Variants in RNF180 observed in about 807,000 individuals in gnomAD.
The protein encoded by RNF180 is ring finger protein 180.
A neutral mutation model predicts 59.2 loss-of-function variants in RNF180; 38 were observed. The ratio of observed to expected loss-of-function variants is 0.64; its 90% CI spans 0.50 to 0.84. The LOEUF is 0.84. Among genes scored for constraint, RNF180 ranks in the 40% least tolerant of loss-of-function variants. The pLI is 0.00. For missense variants in RNF180, 705 were observed against 700.9 expected (o/e 1.01, Z -0.07); for synonymous variants, 262 against 240.3 (o/e 1.09, Z -0.84).
chr5:64,186,352 C>T (rs1291652416), intron 1 of RNF180, among the ~76,000 whole-genome samples: 1 of 152,058 alleles, frequency 6.6e-6, no homozygotes, highest in Non-Finnish European at 1.5e-5. Context: ...ATATATTTAA[C>T]ATAAGGTAAA....
chr5:64,349,057 T>A (rs1055043598), intron 7 of RNF180, among the ~76,000 whole-genome samples: 7 of 152,200 alleles, frequency 4.6e-5, no homozygotes, highest in Non-Finnish European at 1.0e-4. Flanking sequence ...CTAAAGTGTT[T>A]CCTAAAAGGA....
upstream of RNF180, chr5:64,165,797 C>T (rs1235916909): frequency 6.6e-6 from 1 of 152,136 alleles, no homozygotes. Flanking sequence ...AGGCACAGCT[C>T]GAGCGCTTTC....
intron 1 of RNF180, among the ~76,000 whole-genome samples, chr5:64,173,595 A>G (rs536795075): frequency 2.0e-4 from 31 of 152,062 alleles, no homozygotes; most frequent in African/African-American, 7.5e-4. Flanking sequence ...GCAAGTTCGT[A>G]CCTATTGACC....
At chr5:64,327,794 T>C (rs77806854) in intron 6 of RNF180, among the ~76,000 whole-genome samples, 3,217 of 152,290 alleles carry the variant, frequency 0.021, 87 homozygotes, top group African/African-American at 0.054. Flanking sequence ...CCATTGGGTC[T>C]GTGGTGCAGC....
rs1034992056 is a variant in RNF180 at position 64,223,862 on chromosome 5, G to A, written c.1227+6466G>A. ...CGCTTCCTGGAAATGGAAGTAGAGG[G>A]GGGGAGACACGTGAATTTCAGTAAT... On this transcript the variant is annotated intron_variant, in intron 5 of 7. Transcript: ENST00000389100. Among the ~76,000 whole-genome samples the A allele has an allele frequency of 1.4e-4, 21 of 152,274 alleles. No homozygotes were observed. In the South Asian group the frequency reaches 4.1e-3, roughly 30 times the overall value.
chr5:64,306,576 A>G (rs1468856256), intron 5 of RNF180, among the ~76,000 whole-genome samples: 2 of 151,744 alleles, frequency 1.3e-5, no homozygotes, highest in South Asian at 2.1e-4. Flanking sequence ...AACCAACCCA[A>G]ATGTCCAACA....
intron 5 of RNF180, among the ~76,000 whole-genome samples, chr5:64,274,795 A>G (rs543817227): frequency 6.6e-6 from 1 of 152,084 alleles, no homozygotes; most frequent in South Asian, 2.1e-4. Context: ...TGCTATACAT[A>G]GAGTGTAGAA....
At chr5:64,360,244 A>G in intron 7 of RNF180, among the ~76,000 whole-genome samples, 1 of 151,924 alleles carries the variant, frequency 6.6e-6, no homozygotes, top group East Asian at 1.9e-4. Context: ...CATTTTCACA[A>G]TATTGATTCT....
intron 7 of RNF180, among the ~76,000 whole-genome samples, chr5:64,361,067 T>C (rs1414047012): frequency 6.6e-6 from 1 of 151,506 alleles, no homozygotes; most frequent in African/African-American, 2.4e-5. Flanking sequence ...TTAGTACTTC[T>C]GCTTGCAAGA....
At chr5:64,188,040 T>C (rs945375812) in intron 1 of RNF180, among the ~76,000 whole-genome samples, 22 of 152,154 alleles carry the variant, frequency 1.4e-4, no homozygotes, top group African/African-American at 5.1e-4. Context: ...GTGCTCACAA[T>C]AGGCATCAAG....
At chr5:64,312,718 G>A (rs1743833032) in intron 5 of RNF180, among the ~76,000 whole-genome samples, 1 of 152,062 alleles carries the variant, frequency 6.6e-6, no homozygotes, top group Non-Finnish European at 1.5e-5. Context: ...ACAGGAGTAG[G>A]TGGTACCAAA....
At chr5:64,254,290 G>A (rs1007999856) in intron 5 of RNF180, among the ~76,000 whole-genome samples, 3 of 152,124 alleles carry the variant, frequency 2.0e-5, no homozygotes, top group African/African-American at 7.2e-5. Flanking sequence ...CTGATGACAG[G>A]ATGAAAATGA....
intron 1 of RNF180, among the ~76,000 whole-genome samples, chr5:64,181,102 G>A (rs193098623): frequency 1.3e-5 from 2 of 152,294 alleles, no homozygotes; most frequent in Admixed American, 1.3e-4. Context: ...AAAAATGAAG[G>A]CTGGATGACT....
intron 5 of RNF180, among the ~76,000 whole-genome samples, chr5:64,317,874 C>T (rs962634412): frequency 1.3e-5 from 2 of 152,120 alleles, no homozygotes; most frequent in Admixed American, 1.3e-4. Flanking sequence ...GCCTAGCCTA[C>T]CTTAAATGTG....
intron 5 of RNF180, among the ~76,000 whole-genome samples, chr5:64,248,622 T>C (rs1407256452): frequency 2.0e-5 from 3 of 151,816 alleles, no homozygotes; most frequent in Non-Finnish European, 2.9e-5. Context: ...TCTGGAGAGG[T>C]TGTGGAGAAA....
At chr5:64,310,876 C>CA (rs1357917346) in intron 5 of RNF180, among the ~76,000 whole-genome samples, 5 of 151,900 alleles carry the variant, frequency 3.3e-5, no homozygotes, top group African/African-American at 1.2e-4. Flanking sequence ...GGTTAAAACT[C>CA]AGTCACATCA....
intron 5 of RNF180, among the ~76,000 whole-genome samples, chr5:64,285,342 A>G (rs1399909363): frequency 6.6e-6 from 1 of 152,162 alleles, no homozygotes; most frequent in Non-Finnish European, 1.5e-5. Flanking sequence ...TTGTATACAT[A>G]TCAGCTGGGG....
intron 5 of RNF180, among the ~76,000 whole-genome samples, chr5:64,278,118 T>G (rs1165202733): frequency 2.0e-5 from 3 of 152,194 alleles, no homozygotes; most frequent in Non-Finnish European, 4.4e-5. Context: ...ACTCAACTAG[T>G]TGATCTCTCA....
At position 64,264,970 on chromosome 5, in the gene RNF180, A is replaced by G. The variant is rs574627251; in HGVS notation, c.1227+47574A>G. Among the ~76,000 whole-genome samples the G allele has an allele frequency of 8.5e-5, 13 of 152,170 alleles. No homozygotes were observed. The South Asian group carries it at 2.7e-3, about 32-fold the overall frequency. ...TTGTGGTTTTGATTTGCATTTCTCTAATGACTAGTGATGATGAGCTTTTTT... is the reference window on the plus strand; with the variant it reads ...TTGTGGTTTTGATTTGCATTTCTCTGATGACTAGTGATGATGAGCTTTTTT... On this transcript the variant is annotated intron_variant, in intron 5 of 7. Coordinates refer to ENST00000389100, the MANE Select transcript of RNF180 (RefSeq NM_001113561.2).
Sources: gnomAD v4.1 joint callset for allele counts (sites outside exome capture counted in the v4.1 genomes callset) on GRCh38, gnomAD v4.1.1 for gene constraint, MANE v1.5 for transcripts, NCBI Gene and HGNC (gene_info 2026-07-23, HGNC 2026-07-21) for gene names.